The following PCDHGB7 variants were observed in gnomAD, a reference collection of about 807,000 sequenced individuals.
PCDHGB7 encodes protocadherin gamma-B7.
Under a neutral mutation model 61.4 loss-of-function variants are expected in PCDHGB7, and 37 were observed. The observed-to-expected ratio is 0.60, with a 90% CI of 0.46 to 0.79. The LOEUF (loss-of-function observed/expected upper bound fraction) is 0.79, where lower values mean the gene tolerates loss of function less well. Among genes scored for constraint, PCDHGB7 ranks in the 30% least tolerant of loss-of-function variants. The pLI is 0.00. For synonymous variants in PCDHGB7, 464 were observed against 503.5 expected, an observed-to-expected ratio of 0.92 and a Z score of 1.05; for missense variants, 1,166 against 1,202.5, an observed-to-expected ratio of 0.97 and a Z score of 0.45.
intron 1 of PCDHGB7, chr5:141,423,851 C>T (rs1311833319): frequency 7.8e-6 from 10 of 1,275,940 alleles, no homozygotes; most frequent in African/African-American, 1.6e-5. Flanking sequence ...TCTTTCAGAA[C>T]GTTTTTGTGA....
At chr5:141,439,571 G>T (rs1010967112) in intron 1 of PCDHGB7, among the ~76,000 whole-genome samples, 4 of 152,154 alleles carry the variant, frequency 2.6e-5, no homozygotes, top group Non-Finnish European at 4.4e-5. Flanking sequence ...CTAGAGTAGG[G>T]ACTCAGAGTG....
At position 141,511,124 on chromosome 5, in the gene PCDHGB7, C is replaced by G; in HGVS notation, c.2741C>G (p.Ala914Gly). 1.9e-6 allele frequency: 3 copies of G among 1,614,206 alleles called. No individual in the cohort carries two copies. Among genetic ancestry groups the G allele is most frequent in the Non-Finnish European group, 2.5e-6 (3 of 1,180,022 alleles). The change falls in exon 4 of 4, where the codon GCA (alanine) becomes GGA (glycine). Residue 914 changes from alanine to glycine, a missense_variant. Transcript: ENST00000398594. ...AAGKRDGKAP[A>G]GGNGNKKKSG... ...GGCAAGCGGGATGGCAAGGCCCCAG[C>G]AGGTGGCAATGGCAACAAGAAGAAG...
chr5:141,425,812 G>GA (rs574320012), intron 1 of PCDHGB7, among the ~76,000 whole-genome samples: 9 of 152,054 alleles, frequency 5.9e-5, no homozygotes, highest in South Asian at 4.1e-4. Flanking sequence ...CTTCTGCTTA[G>GA]AAAAAAACAA....
At chr5:141,426,021 A>G (rs1590662256) in intron 1 of PCDHGB7, among the ~76,000 whole-genome samples, 2 of 152,312 alleles carry the variant, frequency 1.3e-5, no homozygotes, top group East Asian at 3.9e-4. Context: ...AGTTTTCTAA[A>G]TAGACTCAGA....
intron 1 of PCDHGB7, among the ~76,000 whole-genome samples, chr5:141,474,193 A>C (rs2099345142): frequency 6.6e-6 from 1 of 152,256 alleles, no homozygotes. Context: ...TACATTTTTA[A>C]AAGCTGATTT....
chr5:141,475,139 C>T (rs928313061), intron 1 of PCDHGB7, among the ~76,000 whole-genome samples: 2 of 151,928 alleles, frequency 1.3e-5, no homozygotes, highest in African/African-American at 4.8e-5. Flanking sequence ...TTTTTGAAAT[C>T]TTCTCCGTCT....
chr5:141,484,695 G>A (rs1371166304), intron 1 of PCDHGB7, among the ~76,000 whole-genome samples: 3 of 151,920 alleles, frequency 2.0e-5, no homozygotes, highest in Non-Finnish European at 4.4e-5. Context: ...TCAGGCTGTG[G>A]CTGTTTTCCC....
At position 141,489,181 on chromosome 5, in the gene PCDHGB7, T is replaced by C; in HGVS notation, c.2416-5626T>C. The C allele has an allele frequency of 1.6e-6, 2 of 1,259,546 alleles. No homozygotes were observed. The highest frequency in any genetic ancestry group is 2.2e-6 in the Non-Finnish European group (2 of 905,040). The allele number at this position is 1,259,546 out of a possible 1,614,324, so 78.0% of individuals were successfully genotyped here. ...ACTTCAGCTGCTGCATTCCAAGCCC[T>C]GGGTCTACCTTGGAGACAGGACAGC... On this transcript the variant is annotated intron_variant, in intron 1 of 3. Transcript: ENST00000398594. This position sits in a 1 kb window ranked among gnomAD's most constrained non-coding sequence, Gnocchi z 4.5.
intron 1 of PCDHGB7, chr5:141,423,652 A>G (rs746768292): frequency 1.9e-6 from 3 of 1,583,268 alleles, no homozygotes; most frequent in Non-Finnish European, 2.6e-6. Flanking sequence ...TGACCCGACA[A>G]GTAATCAGGT....
At position 141,431,828 on chromosome 5, in the gene PCDHGB7, C is replaced by G. The variant is rs750949066; in HGVS notation, c.2415+11554C>G. ...CCTCACCTCTCTCGCCAGCTCGGTTCCCGAAAACTCTCCCAGAGGGACATT... is the reference window on the plus strand; with the variant it reads ...CCTCACCTCTCTCGCCAGCTCGGTTGCCGAAAACTCTCCCAGAGGGACATT... On this transcript the variant is annotated intron_variant, in intron 1 of 3. Coordinates refer to ENST00000398594, the MANE Select transcript of PCDHGB7 (RefSeq NM_018927.4). This position sits in a 1 kb window ranked among gnomAD's most constrained non-coding sequence, Gnocchi z 4.8. The G allele has an allele frequency of 5.6e-6, 9 of 1,610,208 alleles. No homozygotes were observed. Among genetic ancestry groups the G allele is most frequent in the Non-Finnish European group, 1.7e-6 (2 of 1,176,374 alleles).
Position 141,430,800 on chromosome 5 carries a change from T to C in PCDHGB7, c.2415+10526T>C, listed in dbSNP as rs770490590. 2.6e-6 allele frequency: 4 copies of C among 1,524,818 alleles called. No homozygotes were observed. In the South Asian group the frequency reaches 5.3e-5, roughly 20 times the overall value. 94.5% of individuals were successfully genotyped at this position (1,524,818 alleles called of 1,614,324 possible). A position where few individuals can be genotyped will look rare whatever the true frequency, so the allele number is the denominator to read the frequency against. ...CTGCACCGGGACTACAAAGGGCTTG[T>C]CCTGCTGGGAATCCTCCTGGGGACT... is the stretch of plus-strand genomic sequence containing the variant. On this transcript the variant is annotated intron_variant, in intron 1 of 3. Transcript: ENST00000398594.
rs1023379892 is a variant in PCDHGB7 at position 141,475,927 on chromosome 5, G to T, written c.2416-18880G>T. 1.3e-4 allele frequency: 80 copies of T among 628,362 alleles called. No individual in the cohort carries two copies. In the African/African-American group the frequency reaches 1.4e-3, roughly 11 times the overall value. The allele number at this position is 628,362 out of a possible 1,614,324, so 38.9% of individuals were successfully genotyped here. ...CGGCCAATGAAGACGCTGGAGATCG[G>T]GCCCCTGCCCGTCCCCTTTCTGCGC... On this transcript the variant is annotated intron_variant, in intron 1 of 3. Coordinates refer to ENST00000398594, the MANE Select transcript of PCDHGB7 (RefSeq NM_018927.4).
At position 141,431,776 on chromosome 5, in the gene PCDHGB7, C is replaced by A; in HGVS notation, c.2415+11502C>A. Reference sequence around the variant, plus strand: ...CCAAAGTCCTGATCACTGTTCTGGACGTGAACGACAATGCCCCAGAAGTGG... The same window carrying A: ...CCAAAGTCCTGATCACTGTTCTGGAAGTGAACGACAATGCCCCAGAAGTGG... On this transcript the variant is annotated intron_variant, in intron 1 of 3. Coordinates refer to ENST00000398594, the MANE Select transcript of PCDHGB7 (RefSeq NM_018927.4). The surrounding 1 kb of genome is among the most constrained non-coding windows in gnomAD (Gnocchi z 4.8). The A allele has an allele frequency of 6.2e-7, 1 of 1,614,228 alleles. No homozygotes were observed. The highest frequency in any genetic ancestry group is 8.5e-7 in the Non-Finnish European group (1 of 1,180,044).
intron 1 of PCDHGB7, chr5:141,479,660 A>G (rs1206947602): frequency 6.6e-6 from 1 of 152,266 alleles, no homozygotes; most frequent in African/African-American, 2.4e-5. Flanking sequence ...ACAATCCCAG[A>G]AACTACAAAA....
intron 3 of PCDHGB7, among the ~76,000 whole-genome samples, chr5:141,509,089 G>C (rs1366018197): frequency 6.6e-6 from 1 of 152,158 alleles, no homozygotes; most frequent in Non-Finnish European, 1.5e-5. Context: ...ACATGAAATG[G>C]GGGCTGTAGA....
chr5:141,447,533 G>T (rs2098541881), intron 1 of PCDHGB7, among the ~76,000 whole-genome samples: 1 of 152,120 alleles, frequency 6.6e-6, no homozygotes, highest in South Asian at 2.1e-4. Flanking sequence ...CAAAATTGTT[G>T]GGTTTTAATG....
In PCDHGB7 at chr5:141,491,770, G is replaced by A; in HGVS notation, c.2416-3037G>A. 6.4e-7 allele frequency: 1 copy of A among 1,560,888 alleles called. No individual in the cohort carries two copies. Among genetic ancestry groups the A allele is most frequent in the Non-Finnish European group, 8.7e-7 (1 of 1,154,942 alleles). On this transcript the variant is annotated intron_variant, in intron 1 of 3. Coordinates refer to ENST00000398594, the MANE Select transcript of PCDHGB7 (RefSeq NM_018927.4). This position sits in a 1 kb window ranked among gnomAD's most constrained non-coding sequence, Gnocchi z 6.9. ...TGGAGAAGCCGCCCGTCCTCATAAG[G>A]GATTGAACTTGCATCCACTCCTCTC...
At chr5:141,448,074 G>A (rs1008235342) in intron 1 of PCDHGB7, among the ~76,000 whole-genome samples, 3 of 151,152 alleles carry the variant, frequency 2.0e-5, no homozygotes, top group Admixed American at 1.3e-4. Context: ...CAACATGAAC[G>A]AAATGCCATC....
chr5:141,484,750 G>GTATA (rs545232987), intron 1 of PCDHGB7, among the ~76,000 whole-genome samples: 1 of 149,818 alleles, frequency 6.7e-6, no homozygotes, highest in Non-Finnish European at 1.5e-5. Context: ...GAAAAAAAAT[G>GTATA]TATATATATA....
Sources: gnomAD v4.1 joint callset for allele counts (sites outside exome capture counted in the v4.1 genomes callset) on GRCh38, gnomAD v4.1.1 for gene constraint, Gnocchi (gnomAD v3.1) non-coding constraint, MANE v1.5 for transcripts, NCBI Gene and HGNC (gene_info 2026-07-23, HGNC 2026-07-21) for gene names.